The following TRIOBP variants were observed in gnomAD, a reference collection of about 807,000 sequenced individuals.
The protein encoded by TRIOBP is TRIO and F-actin-binding protein.
In TRIOBP, 169 loss-of-function variants were observed where a neutral mutation model predicts 238.8. That is an observed-to-expected ratio of 0.71 (90% CI 0.62 to 0.80). The LOEUF (loss-of-function observed/expected upper bound fraction) is 0.80, where lower values mean the gene tolerates loss of function less well. Among genes scored for constraint, TRIOBP ranks in the 30% least tolerant of loss-of-function variants. The probability of loss-of-function intolerance (pLI) is 0.00; values close to 1 mark genes in which losing one functional copy is unlikely to be tolerated. For synonymous variants in TRIOBP, 1,150 were observed against 1,274.4 expected (o/e 0.90, Z 2.08); for missense variants, 2,838 against 3,122.6 (o/e 0.91, Z 2.17).
chr22:37,698,166 C>CTCCA (rs1405787283), intron 2 of TRIOBP, among the ~76,000 whole-genome samples: 3 of 137,042 alleles, frequency 2.2e-5, no homozygotes, highest in Non-Finnish European at 4.6e-5. Flanking sequence ...CGCCACTGCA[C>CTCCA]TCCAGCCTGG....
chr22:37,755,700 AC>A (rs1367777604), intron 15 of TRIOBP, 41 bp downstream of exon 15: 3 of 1,578,064 alleles, frequency 1.9e-6, no homozygotes, highest in African/African-American at 2.7e-5. Flanking sequence ...GGAGGCACTT[AC>A]CCTTGCGTCC....
intron 3 of TRIOBP, among the ~76,000 whole-genome samples, chr22:37,709,469 C>T (rs897392884): frequency 2.0e-5 from 3 of 152,256 alleles, no homozygotes; most frequent in Admixed American, 1.3e-4. Flanking sequence ...GCTGCTGCCA[C>T]CACAGCCCGG....
intron 7 of TRIOBP, among the ~76,000 whole-genome samples, chr22:37,727,512 C>CA (rs1924232545): frequency 6.6e-6 from 1 of 151,694 alleles, no homozygotes; most frequent in African/African-American, 2.4e-5. Flanking sequence ...ACTAAAAATA[C>CA]AAAAAATTAG....
intron 6 of TRIOBP, among the ~76,000 whole-genome samples, chr22:37,721,434 G>A (rs1001304137): frequency 1.4e-4 from 21 of 152,348 alleles, no homozygotes; most frequent in African/African-American, 4.3e-4. Context: ...TTAAGAAGGC[G>A]TGAAGGGAGG....
chr22:37,769,716 ATTTTCTTTCT>A (rs978135355), intron 21 of TRIOBP, among the ~76,000 whole-genome samples: 1 of 151,630 alleles, frequency 6.6e-6, no homozygotes, highest in African/African-American at 2.4e-5. Flanking sequence ...TCACTGTAGT[ATTTTCTTTCT>A]TTTTCTTTCT....
Position 37,775,801 on chromosome 22 carries a change from G to A in TRIOBP, c.*2021G>A, listed in dbSNP as rs929552981. ...AAACTCCATCTCAAAAAAAAAGGGGGAGGGTGGCGCAAGGAGAGGACACCT... is the reference window on the plus strand; with the variant it reads ...AAACTCCATCTCAAAAAAAAAGGGGAAGGGTGGCGCAAGGAGAGGACACCT... On this transcript the variant is annotated 3_prime_UTR_variant, in exon 24 of 24. Transcript: ENST00000644935. 6.6e-6 allele frequency: 1 copy of A among 152,154 alleles called. No individual in the cohort carries two copies. The highest frequency in any genetic ancestry group is 2.4e-5 in the African/African-American group (1 of 41,422). 9.4% of individuals were successfully genotyped at this position (152,154 alleles called of 1,614,324 possible). A position where few individuals can be genotyped will look rare whatever the true frequency, so the allele number is the denominator to read the frequency against.
At chr22:37,755,296 C>T in intron 14 of TRIOBP, 106 bp downstream of exon 14, 1 of 1,200,690 alleles carries the variant, frequency 8.3e-7, no homozygotes, top group Admixed American at 2.0e-5. Context: ...TGGATCCCTT[C>T]ACTCATTTAC....
At chr22:37,699,915 G>A (rs979367610) in intron 2 of TRIOBP, among the ~76,000 whole-genome samples, 3 of 151,794 alleles carry the variant, frequency 2.0e-5, no homozygotes. Flanking sequence ...GTCTCGCTCT[G>A]TTGCTCAGTC....
At chr22:37,718,164 G>C (rs887564385) in intron 6 of TRIOBP, among the ~76,000 whole-genome samples, 1 of 152,184 alleles carries the variant, frequency 6.6e-6, no homozygotes, top group Non-Finnish European at 1.5e-5. Flanking sequence ...ACGCCCACCC[G>C]GAACTCCAGC....
Position 37,726,255 on chromosome 22 carries a change from A to G in TRIOBP, c.3699A>G (p.Pro1233=), listed in dbSNP as rs544307722. The change falls in exon 7 of 24, where the codon CCA becomes CCG. Residue 1233 remains proline, a synonymous_variant. Coordinates refer to ENST00000644935, the MANE Select transcript of TRIOBP (RefSeq NM_001039141.3). ...GAGCCTCCTCCCCACCCCGCCACCC[A>G]CCCAGTGACCTAGCGTTCCTGGCAC... ...APRASSPPRH[P]PSDLAFLAPS... is the part of the protein sequence containing the mutation. 2 of 1,605,652 alleles carry G rather than the reference A, an allele frequency of 1.2e-6. No homozygotes were observed. The highest frequency in any genetic ancestry group is 2.2e-5 in the South Asian group (2 of 90,718).
intron 16 of TRIOBP, among the ~76,000 whole-genome samples, chr22:37,758,457 T>G (rs1171473482): frequency 1.3e-5 from 2 of 152,142 alleles, no homozygotes; most frequent in African/African-American, 4.8e-5. Flanking sequence ...GGAGGGTCCC[T>G]TGAAGCCAAG....
chr22:37,698,931 T>C (rs1922498540), intron 2 of TRIOBP, among the ~76,000 whole-genome samples: 1 of 152,092 alleles, frequency 6.6e-6, no homozygotes, highest in African/African-American at 2.4e-5. Context: ...GCGGATCACC[T>C]GAGGTCAGGA....
chr22:37,728,075 T>C (rs1412280875), intron 7 of TRIOBP, among the ~76,000 whole-genome samples: 1 of 152,162 alleles, frequency 6.6e-6, no homozygotes, highest in Non-Finnish European at 1.5e-5. Context: ...TGGAATATTT[T>C]GTATCTAAAA....
At chr22:37,764,174 C>G (rs1220442302) in intron 17 of TRIOBP, among the ~76,000 whole-genome samples, 1 of 152,232 alleles carries the variant, frequency 6.6e-6, no homozygotes, top group East Asian at 1.9e-4. Flanking sequence ...ATTCCCTCTG[C>G]AGCCTGAATT....
Position 37,702,034 on chromosome 22 carries a change from C to T in TRIOBP, c.114+555C>T, listed in dbSNP as rs1420155883. 3.3e-5 allele frequency among the ~76,000 whole-genome samples: 5 copies of T among 151,682 alleles called. No individual in the cohort carries two copies. In the East Asian group the frequency reaches 5.8e-4, roughly 18 times the overall value. ...AGGAGAATCACTTGAACCTGGGAGG[C>T]GGAGATTGTGGTGAGCCGAGATCGC... On this transcript the variant is annotated intron_variant, in intron 3 of 23. Coordinates refer to ENST00000644935, the MANE Select transcript of TRIOBP (RefSeq NM_001039141.3).
intron 21 of TRIOBP, among the ~76,000 whole-genome samples, chr22:37,770,656 C>T (rs1201887026): frequency 6.6e-6 from 1 of 151,326 alleles, no homozygotes; most frequent in Non-Finnish European, 1.5e-5. Context: ...GGATTACAGG[C>T]GTGAGCCACC....
intron 11 of TRIOBP, among the ~76,000 whole-genome samples, chr22:37,745,785 G>C (rs1008040308): frequency 6.6e-6 from 1 of 152,176 alleles, no homozygotes; most frequent in African/African-American, 2.4e-5. Context: ...CCGCTGAGTC[G>C]TTAGTACTGG....
intron 6 of TRIOBP, among the ~76,000 whole-genome samples, chr22:37,717,375 G>C (rs544149348): frequency 9.2e-5 from 14 of 152,192 alleles, no homozygotes; most frequent in Non-Finnish European, 2.1e-4. Flanking sequence ...GGACCCGAGC[G>C]GGTTGCCAGA....
intron 7 of TRIOBP, among the ~76,000 whole-genome samples, chr22:37,727,067 C>T (rs1405256865): frequency 4.0e-5 from 6 of 151,660 alleles, no homozygotes; most frequent in Admixed American, 1.3e-4. Context: ...CCACCACACC[C>T]GGCTAATTTT....
Sources: gnomAD v4.1 joint callset for allele counts (sites outside exome capture counted in the v4.1 genomes callset) on GRCh38, gnomAD v4.1.1 for gene constraint, MANE v1.5 for transcripts, NCBI Gene and HGNC (gene_info 2026-07-23, HGNC 2026-07-21) for gene names.